PSEN1: variants seen among roughly 807,000 people sequenced by gnomAD.
The protein encoded by PSEN1 is presenilin-1.
PSEN1 carries 15 observed loss-of-function variants against 53.5 expected under a neutral mutation model. The observed-to-expected ratio is 0.28, with a 90% CI of 0.19 to 0.43. PSEN1 has a LOEUF of 0.43. Among genes scored for constraint, PSEN1 ranks in the 20% least tolerant of loss-of-function variants. The probability of loss-of-function intolerance (pLI) is 1.00; values close to 1 mark genes in which losing one functional copy is unlikely to be tolerated. For synonymous variants in PSEN1, 208 were observed against 209.8 expected (o/e 0.99, Z 0.08); for missense variants, 387 against 571.2 (o/e 0.68, Z 3.29).
chr14:73,164,721 T>A (rs1434488363), intron 3 of PSEN1, among the ~76,000 whole-genome samples: 1 of 152,220 alleles, frequency 6.6e-6, no homozygotes, highest in African/African-American at 2.4e-5. Context: ...AAACCCAAGA[T>A]ATGATAACAT....
At chr14:73,175,099 T>C (rs888347756) in intron 5 of PSEN1, among the ~76,000 whole-genome samples, 13 of 152,082 alleles carry the variant, frequency 8.5e-5, no homozygotes, top group African/African-American at 2.9e-4. Context: ...GGCAGGAGGA[T>C]TGCTTGAGGT....
Position 73,183,620 on chromosome 14 carries a change from TCA to T in PSEN1, c.481-3230_481-3229del, listed in dbSNP as rs1452407482. The stretch of plus-strand genomic sequence containing the variant: ...AGAGAGCACAGGGTTGGGGGTAAGG[TCA>T]CAGATCAACAGGATCCCAAGGCAGA... On this transcript the variant is annotated intron_variant, in intron 5 of 11. Coordinates refer to ENST00000324501, the MANE Select transcript of PSEN1 (RefSeq NM_000021.4). Among the ~76,000 whole-genome samples, 3 of 152,124 alleles carry T rather than the reference TCA, an allele frequency of 2.0e-5. No homozygotes were observed. In the East Asian group the frequency reaches 5.8e-4, roughly 29 times the overall value.
chr14:73,207,312 C>T (rs953549190), intron 9 of PSEN1, among the ~76,000 whole-genome samples: 1 of 151,134 alleles, frequency 6.6e-6, no homozygotes, highest in African/African-American at 2.4e-5. Context: ...GGCTACCTTC[C>T]CACACACACT....
chr14:73,198,433 T>C (rs564987355), intron 8 of PSEN1, among the ~76,000 whole-genome samples: 1 of 152,332 alleles, frequency 6.6e-6, no homozygotes, highest in Non-Finnish European at 1.5e-5. Flanking sequence ...TTTGAGTGAC[T>C]GGTTTAGATG....
chr14:73,180,009 G>T (rs943926494), intron 5 of PSEN1, among the ~76,000 whole-genome samples: 5 of 149,330 alleles, frequency 3.3e-5, no homozygotes, highest in African/African-American at 1.2e-4. Flanking sequence ...TTTTGAGACG[G>T]AGTCTCAGTC....
chr14:73,196,985 T>C (rs759437122), intron 7 of PSEN1, among the ~76,000 whole-genome samples: 38 of 148,536 alleles, frequency 2.6e-4, no homozygotes, highest in Non-Finnish European at 2.7e-4. Flanking sequence ...CAGGCTGGAG[T>C]GCAGTGGCGC....
chr14:73,137,602 G>C (rs1336003970), intron 1 of PSEN1, among the ~76,000 whole-genome samples: 4 of 152,180 alleles, frequency 2.6e-5, no homozygotes, highest in Non-Finnish European at 5.9e-5. Flanking sequence ...TTGCAACGAG[G>C]GGGTGGAAGA....
At chr14:73,206,512 G>A (rs752304817) in intron 9 of PSEN1, 40 bp downstream of exon 9, 1 of 1,399,078 alleles carries the variant, frequency 7.1e-7, no homozygotes, top group Non-Finnish European at 1.0e-6. Flanking sequence ...ATTTTTCAGG[G>A]TCACTGTTAT....
intron 3 of PSEN1, among the ~76,000 whole-genome samples, chr14:73,162,016 A>T (rs542469850): frequency 1.4e-5 from 2 of 145,366 alleles, no homozygotes; most frequent in South Asian, 4.3e-4. Flanking sequence ...AAAAAAAAAA[A>T]TAGAAAAAGA....
chr14:73,152,969 T>C (rs1231719876), intron 3 of PSEN1, among the ~76,000 whole-genome samples: 1 of 152,160 alleles, frequency 6.6e-6, no homozygotes, highest in Non-Finnish European at 1.5e-5. Context: ...GTTTCAAGGT[T>C]CACCTGGGAG....
intron 1 of PSEN1, among the ~76,000 whole-genome samples, chr14:73,139,124 G>A (rs183706774): frequency 0.055 from 8,145 of 148,836 alleles, 322 homozygotes; most frequent in Non-Finnish European, 0.082. Flanking sequence ...TCTACTAAAA[G>A]TACAAAAAAT....
chr14:73,220,670 G>C lies in PSEN1; in HGVS notation c.*1381G>C, dbSNP rs362387. On this transcript the variant is annotated 3_prime_UTR_variant, in exon 12 of 12. Transcript: ENST00000324501. ...CAAGGAGGAGTTTCAGGTTATTCTCGTCAGCTCCACAAATGGGTGCTTTGT... is the reference window on the plus strand; with the variant it reads ...CAAGGAGGAGTTTCAGGTTATTCTCCTCAGCTCCACAAATGGGTGCTTTGT... The C allele has an allele frequency of 1.3e-5, 2 of 152,192 alleles. No individual in the cohort carries two copies. The highest frequency in any genetic ancestry group is 2.9e-5 in the Non-Finnish European group (2 of 68,052). The allele number at this position is 152,192 out of a possible 1,614,324, so 9.4% of individuals were successfully genotyped here. A position where few individuals can be genotyped will look rare whatever the true frequency, so the allele number is the denominator to read the frequency against.
chr14:73,141,659 T>TGC (rs1896929995), intron 1 of PSEN1, among the ~76,000 whole-genome samples: 1 of 129,016 alleles, frequency 7.8e-6, no homozygotes, highest in Non-Finnish European at 1.8e-5. Context: ...GTGGTGGGCG[T>TGC]CTGTAATCCT....
chr14:73,143,531 G>A (rs997890158), intron 1 of PSEN1, among the ~76,000 whole-genome samples: 7 of 152,136 alleles, frequency 4.6e-5, no homozygotes, highest in Admixed American at 3.3e-4. Flanking sequence ...GACTCAAATG[G>A]AAGAATAGAT....
chr14:73,182,673 A>G (rs1898256733), intron 5 of PSEN1, among the ~76,000 whole-genome samples: 1 of 151,952 alleles, frequency 6.6e-6, no homozygotes, highest in African/African-American at 2.4e-5. Flanking sequence ...GTGAAACTTC[A>G]TCTCTAATAC....
intron 3 of PSEN1, among the ~76,000 whole-genome samples, chr14:73,153,165 C>T (rs1191917467): frequency 6.6e-6 from 1 of 152,160 alleles, no homozygotes; most frequent in Non-Finnish European, 1.5e-5. Context: ...TCTGGTTAGC[C>T]TTTGACAGTG....
chr14:73,164,574 C>T (rs1489338230), intron 3 of PSEN1, among the ~76,000 whole-genome samples: 1 of 152,124 alleles, frequency 6.6e-6, no homozygotes, highest in East Asian at 1.9e-4. Context: ...CACCATTTTA[C>T]AGATGAAGAC....
chr14:73,161,138 C>G (rs1372252353), intron 3 of PSEN1, among the ~76,000 whole-genome samples: 1 of 151,812 alleles, frequency 6.6e-6, no homozygotes, highest in East Asian at 1.9e-4. Flanking sequence ...CCATACCCAC[C>G]TAATTTTTGT....
At position 73,222,908 on chromosome 14, in the gene PSEN1, A is replaced by G. The variant is rs886050681; in HGVS notation, c.*3619A>G. 2 of 152,186 alleles carry G rather than the reference A, an allele frequency of 1.3e-5. No individual in the cohort carries two copies. The highest frequency in any genetic ancestry group is 1.9e-4 in the East Asian group (1 of 5,194). The allele number at this position is 152,186 out of a possible 1,614,324, so 9.4% of individuals were successfully genotyped here. The stretch of plus-strand genomic sequence containing the variant: ...CTCACCTCCTCACCTGCCTTCCAAC[A>G]TTGAATTTGGAAGGAGACGTGAAAA... On this transcript the variant is annotated 3_prime_UTR_variant, in exon 12 of 12. Coordinates refer to ENST00000324501, the MANE Select transcript of PSEN1 (RefSeq NM_000021.4).
Sources: gnomAD v4.1 joint callset for allele counts (sites outside exome capture counted in the v4.1 genomes callset) on GRCh38, gnomAD v4.1.1 for gene constraint, MANE v1.5 for transcripts, NCBI Gene and HGNC (gene_info 2026-07-23, HGNC 2026-07-21) for gene names.